Variants in RBFOX3 observed in about 807,000 individuals in gnomAD.
The protein encoded by RBFOX3 is RNA binding fox-1 homolog 3, also known as RNA binding protein fox-1 homolog 3.
In RBFOX3, 17 loss-of-function variants were observed where a neutral mutation model predicts 48.7. That is an observed-to-expected ratio of 0.35 (90% CI 0.24 to 0.52). The LOEUF (loss-of-function observed/expected upper bound fraction) is 0.52. Ranked by LOEUF, RBFOX3 falls within the 20% of genes least tolerant of loss-of-function variation. The pLI is 0.94. For synonymous variants in RBFOX3, 212 were observed against 209.5 expected, an observed-to-expected ratio of 1.01 and a Z score of -0.10; for missense variants, 382 against 497.5, an observed-to-expected ratio of 0.77 and a Z score of 2.21.
At chr17:79,133,777 CA>C (rs1322689150) in intron 4 of RBFOX3, among the ~76,000 whole-genome samples, 1 of 152,202 alleles carries the variant, frequency 6.6e-6, no homozygotes, top group Non-Finnish European at 1.5e-5. Context: ...GCAAGAACAT[CA>C]TCCAGGCCAA....
intron 3 of RBFOX3, among the ~76,000 whole-genome samples, chr17:79,283,371 C>A (rs9905858): frequency 0.52 from 77,520 of 150,110 alleles, 20,370 homozygotes; most frequent in African/African-American, 0.6. Context: ...TGGGTTCAAG[C>A]AATTCTCCTG....
At chr17:79,428,116 G>GCCTGCAGCAATATCCTCGCTGT (rs2067718796) in intron 2 of RBFOX3, among the ~76,000 whole-genome samples, 1 of 152,240 alleles carries the variant, frequency 6.6e-6, no homozygotes, top group Non-Finnish European at 1.5e-5. Flanking sequence ...GACAGACTCC[G>GCCTGCAGCAATATCCTCGCTGT]CCTGCAGCAA....
At chr17:79,117,219 G>A (rs553775156) in intron 4 of RBFOX3, among the ~76,000 whole-genome samples, 3 of 152,364 alleles carry the variant, frequency 2.0e-5, no homozygotes, top group African/African-American at 7.2e-5. Context: ...AAGGACAGAT[G>A]CCGCCTCTGC....
chr17:79,165,866 C>T (rs913884498), intron 4 of RBFOX3, among the ~76,000 whole-genome samples: 10 of 152,210 alleles, frequency 6.6e-5, no homozygotes, highest in Non-Finnish European at 1.2e-4. Flanking sequence ...TACCATGAGA[C>T]GCCCTGAGAT....
chr17:79,479,583 A>G lies in RBFOX3; in HGVS notation c.-175+2871T>C, dbSNP rs2078478709. ...GAATCAACAAGGGGCTGGACAGTGA[A>G]CACACCGAGGGAAGCAGCTCAGGTC... On this transcript the variant is annotated intron_variant, in intron 2 of 14. Coordinates refer to ENST00000693108, the MANE Select transcript of RBFOX3 (RefSeq NM_001350451.2). This position sits in a 1 kb window ranked among gnomAD's most constrained non-coding sequence, Gnocchi z 5.1. 1.3e-5 allele frequency among the ~76,000 whole-genome samples: 2 copies of G among 152,326 alleles called. No homozygotes were observed. The highest frequency in any genetic ancestry group is 4.1e-4 in the South Asian group (2 of 4,820).
the RBFOX3 span, among the ~76,000 whole-genome samples, chr17:79,661,789 A>T: frequency 6.6e-6 from 1 of 152,224 alleles, no homozygotes; most frequent in Non-Finnish European, 1.5e-5. Flanking sequence ...CACTGTAGCC[A>T]TTCCAGTGTC....
intron 1 of RBFOX3, among the ~76,000 whole-genome samples, chr17:79,560,006 A>G (rs2092102237): frequency 8.2e-6 from 1 of 121,244 alleles, no homozygotes; most frequent in South Asian, 3.0e-4. Context: ...GGATGGGTGG[A>G]AGGATGGGTG....
chr17:79,382,737 C>T (rs890159081), intron 2 of RBFOX3, among the ~76,000 whole-genome samples: 11 of 152,218 alleles, frequency 7.2e-5, no homozygotes, highest in East Asian at 1.9e-4. Flanking sequence ...TCCTGGGCAG[C>T]GCCCTCTTGC....
intron 4 of RBFOX3, among the ~76,000 whole-genome samples, chr17:79,222,843 G>A (rs570979242): frequency 2.4e-4 from 37 of 152,352 alleles, no homozygotes; most frequent in African/African-American, 8.2e-4. Context: ...AGAGGTGGCC[G>A]GGCATGGGCT....
At chr17:79,458,430 T>A (rs1217489613) in intron 2 of RBFOX3, among the ~76,000 whole-genome samples, 11 of 152,110 alleles carry the variant, frequency 7.2e-5, no homozygotes, top group Admixed American at 4.6e-4. Context: ...TCCCCAGTGA[T>A]ATACACACGT....
At chr17:79,340,234 G>A (rs1405015892) in intron 2 of RBFOX3, among the ~76,000 whole-genome samples, 4 of 151,014 alleles carry the variant, frequency 2.6e-5, no homozygotes, top group Admixed American at 6.6e-5. Context: ...GGGAGGTGGA[G>A]GTTGCAGTGA....
intron 4 of RBFOX3, among the ~76,000 whole-genome samples, chr17:79,152,154 G>A (rs2044670953): frequency 6.6e-6 from 1 of 152,050 alleles, no homozygotes; most frequent in Admixed American, 6.5e-5. Context: ...GGGCGAGTGG[G>A]GTCCCAGGAG....
In RBFOX3 at chr17:79,103,407, A is replaced by G. The variant is rs2076807930; in HGVS notation, c.415-153T>C. On this transcript the variant is annotated intron_variant, in intron 7 of 14. Transcript: ENST00000693108. The surrounding 1 kb of genome is among the most constrained non-coding windows in gnomAD (Gnocchi z 6.1). ...GTCAGGTGAGTTGAGGCAGAGACGC[A>G]GGCAGCCCAGAGGTCTGTCCTAGGG... Among the ~76,000 whole-genome samples, 1 of 152,064 alleles carries G rather than the reference A, an allele frequency of 6.6e-6. No individual in the cohort carries two copies. The highest frequency in any genetic ancestry group is 1.5e-5 in the Non-Finnish European group (1 of 67,996).
chr17:79,171,540 T>C (rs1290534575), intron 4 of RBFOX3, among the ~76,000 whole-genome samples: 1 of 152,158 alleles, frequency 6.6e-6, no homozygotes, highest in Admixed American at 6.5e-5. Flanking sequence ...AAACAGACAG[T>C]GGGACAGATT....
chr17:79,139,962 C>T (rs758531390), intron 4 of RBFOX3, among the ~76,000 whole-genome samples: 3 of 146,326 alleles, frequency 2.1e-5, no homozygotes, highest in East Asian at 3.9e-4. Flanking sequence ...GCTTTCCCTG[C>T]AGGTAAAAGG....
chr17:79,510,225 G>A (rs1198613002), intron 1 of RBFOX3, among the ~76,000 whole-genome samples: 2 of 152,086 alleles, frequency 1.3e-5, no homozygotes, highest in African/African-American at 2.4e-5. Flanking sequence ...CCTTCCCATC[G>A]GCAACAAGTT....
chr17:79,521,998 T>C (rs2086178145), intron 1 of RBFOX3, among the ~76,000 whole-genome samples: 1 of 152,144 alleles, frequency 6.6e-6, no homozygotes, highest in Non-Finnish European at 1.5e-5. Flanking sequence ...CTGCTGCTGC[T>C]CCCGCTGCTG....
intron 3 of RBFOX3, among the ~76,000 whole-genome samples, chr17:79,293,776 C>T (rs895307103): frequency 6.6e-6 from 1 of 152,176 alleles, no homozygotes; most frequent in African/African-American, 2.4e-5. Flanking sequence ...TTTAGATAAC[C>T]TGCTGCTTTG....
chr17:79,512,878 C>T (rs1175707607), intron 1 of RBFOX3, among the ~76,000 whole-genome samples: 9 of 144,214 alleles, frequency 6.2e-5, no homozygotes, highest in South Asian at 2.2e-4. Context: ...CACCCGGATA[C>T]GTATTACCAT....
Sources: allele counts gnomAD v4.1 joint callset (sites outside exome capture counted in the v4.1 genomes callset), GRCh38; gene constraint gnomAD v4.1.1; non-coding constraint Gnocchi (gnomAD v3.1); transcripts MANE v1.5; gene names NCBI Gene and HGNC (gene_info 2026-07-23, HGNC 2026-07-21).